RASEF: variants seen among roughly 807,000 people sequenced by gnomAD.
RASEF encodes RAS and EF-hand domain containing.
In RASEF, 68 loss-of-function variants were observed where a neutral mutation model predicts 90.1. The observed-to-expected ratio is 0.75, with a 90% CI of 0.62 to 0.92. The LOEUF (loss-of-function observed/expected upper bound fraction) is 0.92. Among genes scored for constraint, RASEF ranks in the 40% least tolerant of loss-of-function variants. RASEF has a pLI of 0.00. For synonymous variants in RASEF, 331 were observed against 345.2 expected (o/e 0.96, Z 0.46); for missense variants, 949 against 937.2 (o/e 1.01, Z -0.16).
intron 2 of RASEF, among the ~76,000 whole-genome samples, chr9:83,023,942 C>T (rs1829489710): frequency 6.6e-6 from 1 of 152,174 alleles, no homozygotes; most frequent in South Asian, 2.1e-4. Flanking sequence ...AGAGTGCTTG[C>T]CCCAGCAATT....
chr9:83,094,757 TG>T, the RASEF span, among the ~76,000 whole-genome samples: 1 of 152,338 alleles, frequency 6.6e-6, no homozygotes, highest in East Asian at 1.9e-4. Flanking sequence ...CTCCTGCTCT[TG>T]GGTTGGCACT....
chr9:82,985,350 G>A (rs1246872599), intron 16 of RASEF, among the ~76,000 whole-genome samples: 1 of 152,162 alleles, frequency 6.6e-6, no homozygotes, highest in African/African-American at 2.4e-5. Flanking sequence ...CAGATCTCGT[G>A]AGACTTATTC....
At chr9:83,136,697 T>C in the RASEF span, among the ~76,000 whole-genome samples, 2 of 151,740 alleles carry the variant, frequency 1.3e-5, no homozygotes, top group Non-Finnish European at 2.9e-5. Context: ...TTTTTAAAAG[T>C]GTGCTTTCTA....
At chr9:83,090,204 C>T in the RASEF span, among the ~76,000 whole-genome samples, 1 of 151,886 alleles carries the variant, frequency 6.6e-6, no homozygotes, top group Non-Finnish European at 1.5e-5. Context: ...AAATAATTTT[C>T]TTTATTGACA....
the RASEF span, among the ~76,000 whole-genome samples, chr9:83,135,080 C>CT: frequency 1.3e-5 from 2 of 151,980 alleles, no homozygotes; most frequent in African/African-American, 4.8e-5. Flanking sequence ...TTGTTAGGAA[C>CT]TGGGGAGAGG....
the RASEF span, among the ~76,000 whole-genome samples, chr9:83,112,217 C>T: frequency 6.6e-6 from 1 of 152,078 alleles, no homozygotes; most frequent in Non-Finnish European, 1.5e-5. Flanking sequence ...TGTTTTACTA[C>T]TTTCTAGAAA....
At chr9:83,012,861 T>TCG (rs1829274224) in intron 4 of RASEF, among the ~76,000 whole-genome samples, 1 of 152,228 alleles carries the variant, frequency 6.6e-6, no homozygotes, top group Non-Finnish European at 1.5e-5. Context: ...TTATCTGCAT[T>TCG]TAACACTTTC....
At chr9:83,195,382 G>T in the RASEF span, among the ~76,000 whole-genome samples, 3 of 152,150 alleles carry the variant, frequency 2.0e-5, no homozygotes, top group African/African-American at 7.2e-5. Flanking sequence ...AAAGGGTCTG[G>T]GGTATCTAAT....
the RASEF span, among the ~76,000 whole-genome samples, chr9:83,120,772 A>G: frequency 6.6e-6 from 1 of 152,214 alleles, no homozygotes; most frequent in Non-Finnish European, 1.5e-5. Flanking sequence ...TAACAGTGAT[A>G]AAGACCCTGC....
chr9:82,986,280 A>C (rs1380482659), intron 16 of RASEF, among the ~76,000 whole-genome samples: 2 of 152,232 alleles, frequency 1.3e-5, no homozygotes, highest in African/African-American at 4.8e-5. Context: ...TAACCATAGC[A>C]TCTTCACTGA....
rs1225318177 is a variant in RASEF at position 82,982,073 on chromosome 9, C to A, written c.*604G>T. On this transcript the variant is annotated 3_prime_UTR_variant, in exon 17 of 17. Transcript: ENST00000376447. ...CTCCAATATTAAAAAGCAGGAATAA[C>A]CATAGTTCTATTATTAACTGTGGGC... 6.6e-6 allele frequency: 1 copy of A among 152,158 alleles called. No homozygotes were observed. Among genetic ancestry groups the A allele is most frequent in the African/African-American group, 2.4e-5 (1 of 41,432 alleles). The allele number at this position is 152,158 out of a possible 1,614,324, so 9.4% of individuals were successfully genotyped here.
intron 6 of RASEF, among the ~76,000 whole-genome samples, chr9:83,009,076 T>G (rs1489601192): frequency 1.3e-5 from 2 of 151,130 alleles, no homozygotes; most frequent in African/African-American, 4.9e-5. Flanking sequence ...GATTAAAGTT[T>G]GCAAACAAAC....
the RASEF span, among the ~76,000 whole-genome samples, chr9:83,213,333 G>C: frequency 2.0e-5 from 3 of 150,782 alleles, no homozygotes; most frequent in African/African-American, 4.9e-5. Context: ...CCAAGAGGCA[G>C]AGGTTGCAGT....
At chr9:83,026,452 C>A (rs955583611) in intron 1 of RASEF, among the ~76,000 whole-genome samples, 9 of 152,124 alleles carry the variant, frequency 5.9e-5, no homozygotes, top group Non-Finnish European at 4.4e-5. Flanking sequence ...GAAGGGGAAG[C>A]AAGGATCTTC....
intron 9 of RASEF, among the ~76,000 whole-genome samples, chr9:83,001,389 T>C (rs1829038851): frequency 6.6e-6 from 1 of 152,206 alleles, no homozygotes; most frequent in South Asian, 2.1e-4. Flanking sequence ...ATGTTCTTTA[T>C]TTCCTGATAC....
At chr9:83,141,115 T>C in the RASEF span, among the ~76,000 whole-genome samples, 16 of 145,126 alleles carry the variant, frequency 1.1e-4, no homozygotes, top group Admixed American at 3.5e-4. Context: ...TGCACTTCAG[T>C]CTGGGCAATA....
At chr9:83,034,477 T>C (rs1204649904) in intron 1 of RASEF, among the ~76,000 whole-genome samples, 1 of 152,230 alleles carries the variant, frequency 6.6e-6, no homozygotes, top group African/African-American at 2.4e-5. Context: ...AGTATCTATT[T>C]TTATAACATT....
intron 16 of RASEF, among the ~76,000 whole-genome samples, chr9:82,989,049 C>G (rs1016530379): frequency 9.2e-5 from 14 of 152,182 alleles, no homozygotes; most frequent in East Asian, 5.8e-4. Flanking sequence ...ATCTGCCAAC[C>G]CTGCCACAAA....
chr9:83,018,951 G>A (rs1829394593), intron 3 of RASEF, among the ~76,000 whole-genome samples: 1 of 152,072 alleles, frequency 6.6e-6, no homozygotes. Flanking sequence ...GGAACAATTG[G>A]ATATCTACAT....
Sources: allele counts gnomAD v4.1 joint callset (sites outside exome capture counted in the v4.1 genomes callset), GRCh38; gene constraint gnomAD v4.1.1; transcripts MANE v1.5; gene names NCBI Gene and HGNC (gene_info 2026-07-23, HGNC 2026-07-21).